The following ATP2B2 variants were observed in gnomAD, a reference collection of about 807,000 sequenced individuals.
ATP2B2 encodes ATPase plasma membrane Ca2+ transporting 2, also known as plasma membrane calcium-transporting ATPase 2.
Under a neutral mutation model 120.0 loss-of-function variants are expected in ATP2B2, and 15 were observed. That is an observed-to-expected ratio of 0.12 (90% CI 0.08 to 0.19). The LOEUF (loss-of-function observed/expected upper bound fraction) is 0.19, where lower values mean the gene tolerates loss of function less well. ATP2B2 is among the 10% of genes least tolerant of loss of function. The pLI is 1.00. For missense variants in ATP2B2, 1,045 were observed against 1,719.8 expected (o/e 0.61, Z 6.94); for synonymous variants, 694 against 700.3 (o/e 0.99, Z 0.14).
intron 3 of ATP2B2, among the ~76,000 whole-genome samples, chr3:10,529,796 T>A (rs1324931566): frequency 3.3e-5 from 5 of 152,196 alleles, no homozygotes; most frequent in Non-Finnish European, 5.9e-5. Context: ...GAATGGGCCC[T>A]AATCTGGAAT....
At chr3:10,498,665 A>G (rs2066256854) in intron 1 of ATP2B2, among the ~76,000 whole-genome samples, 1 of 152,218 alleles carries the variant, frequency 6.6e-6, no homozygotes, top group Admixed American at 6.5e-5. Flanking sequence ...GAAAGGCACC[A>G]CTTTATAGGA....
chr3:10,516,631 G>A (rs2066881556), intron 3 of ATP2B2, among the ~76,000 whole-genome samples: 1 of 152,188 alleles, frequency 6.6e-6, no homozygotes, highest in Non-Finnish European at 1.5e-5. Flanking sequence ...CATGGACTTG[G>A]AGAAAGGTGG....
At chr3:10,619,485 A>G (rs1320445792) in intron 2 of ATP2B2, among the ~76,000 whole-genome samples, 1 of 152,210 alleles carries the variant, frequency 6.6e-6, no homozygotes, top group African/African-American at 2.4e-5. Flanking sequence ...AATAACAGAT[A>G]TGACAGCCAC....
rs988732055 is a variant in ATP2B2 at position 10,375,321 on chromosome 3, A to G, written c.1416+109T>C. On this transcript the variant is annotated intron_variant, in intron 11 of 22. Coordinates refer to ENST00000360273, the MANE Select transcript of ATP2B2 (RefSeq NM_001001331.4). This position sits in a 1 kb window ranked among gnomAD's most constrained non-coding sequence, Gnocchi z 4.2. ...CTTCTTCCAAGCTCCTAGGGGGTCT[A>G]TGGGGCTTCTTCGTTCATCTCCCAA... is the stretch of plus-strand genomic sequence containing the variant. 3.2e-6 allele frequency: 3 copies of G among 934,234 alleles called. No homozygotes were observed. Among genetic ancestry groups the G allele is most frequent in the Non-Finnish European group, 5.1e-6 (3 of 589,526 alleles). The allele number at this position is 934,234 out of a possible 1,614,324, so 57.9% of individuals were successfully genotyped here.
intron 1 of ATP2B2, among the ~76,000 whole-genome samples, chr3:10,671,778 C>T (rs980219304): frequency 5.3e-5 from 8 of 152,124 alleles, no homozygotes; most frequent in African/African-American, 1.4e-4. Flanking sequence ...CAAAAGCCAC[C>T]TAGTGTGGGG....
At position 10,417,796 on chromosome 3, in the gene ATP2B2, G is replaced by A. The variant is rs760326466; in HGVS notation, c.200-6981C>T. Among the ~76,000 whole-genome samples, 3 of 152,190 alleles carry A rather than the reference G, an allele frequency of 2.0e-5. No individual in the cohort carries two copies. The East Asian group carries it at 5.8e-4, about 29-fold the overall frequency. On this transcript the variant is annotated intron_variant, in intron 2 of 22. Coordinates refer to ENST00000360273, the MANE Select transcript of ATP2B2 (RefSeq NM_001001331.4). Reference sequence around the variant, plus strand: ...GCTTGGAAGGAGTGAGGGTTGATCAGATGAAGGGATATGGGTGGGGAGAAG... The same window carrying A: ...GCTTGGAAGGAGTGAGGGTTGATCAAATGAAGGGATATGGGTGGGGAGAAG...
chr3:10,648,458 C>A (rs1267609681), intron 1 of ATP2B2, among the ~76,000 whole-genome samples: 2 of 152,240 alleles, frequency 1.3e-5, no homozygotes, highest in Admixed American at 6.5e-5. Context: ...TGTTCCCTGA[C>A]TCTGCCATCA....
intron 2 of ATP2B2, among the ~76,000 whole-genome samples, chr3:10,420,801 G>A (rs2062952126): frequency 2.0e-5 from 3 of 152,232 alleles, no homozygotes; most frequent in Non-Finnish European, 2.9e-5. Context: ...CTATCACTGA[G>A]CTTTCTCCAA....
In ATP2B2 at chr3:10,628,832, C is replaced by T. The variant is rs566883780; in HGVS notation, c.-459-8871G>A. Among the ~76,000 whole-genome samples, 3 of 152,316 alleles carry T rather than the reference C, an allele frequency of 2.0e-5. No homozygotes were observed. The South Asian group carries it at 6.2e-4, about 32-fold the overall frequency. ...GGTGCTGAATTGTCAAGTACTGAAC[C>T]TTTGCTCCTAGGAAATACAGGGTCA... On this transcript the variant is annotated intron_variant, in intron 1 of 21. Transcript: ENST00000646379.
chr3:10,625,893 G>C (rs2069684873), intron 1 of ATP2B2: 1 of 152,244 alleles, frequency 6.6e-6, no homozygotes, highest in South Asian at 2.1e-4. Context: ...GTAGGATGCA[G>C]TATCCACCCA....
chr3:10,510,859 C>T (rs1438149250), intron 3 of ATP2B2, among the ~76,000 whole-genome samples: 2 of 152,202 alleles, frequency 1.3e-5, no homozygotes, highest in African/African-American at 4.8e-5. Flanking sequence ...ATACATGCTG[C>T]CCACTCCCGC....
chr3:10,483,698 G>A lies in ATP2B2; in HGVS notation c.-320+21767C>T, dbSNP rs904664210. Among the ~76,000 whole-genome samples, 19 of 152,332 alleles carry A rather than the reference G, an allele frequency of 1.2e-4. 1 individual carries two copies. The highest frequency in any genetic ancestry group is 4.6e-4 in the African/African-American group (19 of 41,586). ...AAAGTGAGGTGGGAGAAGGGCCACG[G>A]GAGGTTTTAATAATTCTATGGTAGG... On this transcript the variant is annotated intron_variant, in intron 1 of 22. Transcript: ENST00000360273.
intron 2 of ATP2B2, among the ~76,000 whole-genome samples, chr3:10,425,041 A>G (rs1477569206): frequency 6.6e-6 from 1 of 152,108 alleles, no homozygotes; most frequent in African/African-American, 2.4e-5. Context: ...CTGTAATCCC[A>G]GCACTTTGGG....
At chr3:10,446,683 A>G (rs539742860) in intron 2 of ATP2B2, among the ~76,000 whole-genome samples, 26 of 152,092 alleles carry the variant, frequency 1.7e-4, no homozygotes, top group Admixed American at 7.2e-4. Flanking sequence ...AGATGCTTCT[A>G]GGGACCAATG....
intron 2 of ATP2B2, among the ~76,000 whole-genome samples, chr3:10,542,130 C>T (rs111800193): frequency 0.017 from 2,530 of 152,136 alleles, 28 homozygotes; most frequent in Middle Eastern, 0.085. Flanking sequence ...TTTTAGCTTG[C>T]TTATATTATT....
intron 3 of ATP2B2, among the ~76,000 whole-genome samples, chr3:10,533,330 T>A (rs978167586): frequency 6.6e-6 from 1 of 152,156 alleles, no homozygotes; most frequent in Admixed American, 6.5e-5. Context: ...ACCTAGAAGG[T>A]CTATTCATTT....
At chr3:10,404,146 A>T (rs2062329508) in intron 3 of ATP2B2, among the ~76,000 whole-genome samples, 1 of 152,102 alleles carries the variant, frequency 6.6e-6, no homozygotes, top group South Asian at 2.1e-4. Context: ...ACCCCTGGAA[A>T]ATTCCAGGTC....
rs2069987868 is a variant in ATP2B2 at position 10,635,219 on chromosome 3, T to C, written c.-459-15258A>G. Among the ~76,000 whole-genome samples, 1 of 152,146 alleles carries C rather than the reference T, an allele frequency of 6.6e-6. No homozygotes were observed. Among genetic ancestry groups the C allele is most frequent in the Admixed American group, 6.5e-5 (1 of 15,278 alleles). ...GAAGTTGGAAATCCAGGTACTTCCA[T>C]GGCATCTCTCAATTTGGGGATGTTG... is the stretch of plus-strand genomic sequence containing the variant. On this transcript the variant is annotated intron_variant, in intron 1 of 21. Coordinates refer to the ATP2B2 transcript ENST00000646379. The surrounding 1 kb of genome is among the most constrained non-coding windows in gnomAD (Gnocchi z 4.3).
chr3:10,532,479 C>G (rs992036089), intron 3 of ATP2B2, among the ~76,000 whole-genome samples: 3 of 152,184 alleles, frequency 2.0e-5, no homozygotes, highest in Non-Finnish European at 4.4e-5. Context: ...CAACCCATTT[C>G]AGGAGGAGGA....
Sources: gnomAD v4.1 joint callset for allele counts (sites outside exome capture counted in the v4.1 genomes callset) on GRCh38, gnomAD v4.1.1 for gene constraint, Gnocchi (gnomAD v3.1) non-coding constraint, MANE v1.5 for transcripts, NCBI Gene and HGNC (gene_info 2026-07-23, HGNC 2026-07-21) for gene names.